The following AGPAT4 variants were observed in gnomAD, a reference collection of about 807,000 sequenced individuals.
The protein encoded by AGPAT4 is 1-acyl-sn-glycerol-3-phosphate acyltransferase delta.
AGPAT4 carries 15 observed loss-of-function variants against 48.0 expected under a neutral mutation model. That is an observed-to-expected ratio of 0.31 (90% CI 0.21 to 0.48). The LOEUF is 0.48. Among genes scored for constraint, AGPAT4 ranks in the 20% least tolerant of loss-of-function variants. AGPAT4 has a pLI of 0.99. For missense variants in AGPAT4, 314 were observed against 482.5 expected, an observed-to-expected ratio of 0.65 and a Z score of 3.27; for synonymous variants, 178 against 198.7, an observed-to-expected ratio of 0.90 and a Z score of 0.88.
At position 161,265,045 on chromosome 6, in the gene AGPAT4, A is replaced by ATTAATG. The variant is rs1481846670; in HGVS notation, c.-90+8892_-90+8893insCATTAA. Among the ~76,000 whole-genome samples the ATTAATG allele has an allele frequency of 3.3e-4, 50 of 152,296 alleles. No homozygotes were observed. In the East Asian group the frequency reaches 8.9e-3, roughly 27 times the overall value. Reference sequence around the variant, plus strand: ...AGCAACTGTGGGGATGGATGCTAGGAGGCAAATTAATACTAGTGAGACCTG... The same window carrying ATTAATG: ...AGCAACTGTGGGGATGGATGCTAGGATTAATGGGCAAATTAATACTAGTGAGACCTG... On this transcript the variant is annotated intron_variant, in intron 1 of 8. Coordinates refer to ENST00000320285, the MANE Select transcript of AGPAT4 (RefSeq NM_020133.3).
chr6:161,234,923 G>A lies in AGPAT4; in HGVS notation c.-89-2621C>T, dbSNP rs115302263. On this transcript the variant is annotated intron_variant, in intron 1 of 8. Transcript: ENST00000320285. This position sits in a 1 kb window ranked among gnomAD's most constrained non-coding sequence, Gnocchi z 4.4. ...AAGGTAAATTGAAATTTTACCGTGC[G>A]TAAAACCCTCACTAGCAATGCATGA... 5.2e-3 allele frequency among the ~76,000 whole-genome samples: 788 copies of A among 151,868 alleles called. 5 individuals are homozygous for A. The highest frequency in any genetic ancestry group is 0.018 in the African/African-American group (734 of 41,406).
chr6:161,151,516 C>T (rs1779592504), intron 5 of AGPAT4, among the ~76,000 whole-genome samples: 1 of 152,220 alleles, frequency 6.6e-6, no homozygotes, highest in African/African-American at 2.4e-5. Flanking sequence ...AGCTGGGCAA[C>T]CCCACCAGGG....
At position 161,240,172 on chromosome 6, in the gene AGPAT4, G is replaced by A. The variant is rs1452629447; in HGVS notation, c.-89-7870C>T. On this transcript the variant is annotated intron_variant, in intron 1 of 8. Transcript: ENST00000320285. The surrounding 1 kb of genome is among the most constrained non-coding windows in gnomAD (Gnocchi z 5.5). ...AATCACAACTCTAAAAAAAAAACCGGAAGAAAAGAAAGCCTTACCAAAACA... is the reference window on the plus strand; with the variant it reads ...AATCACAACTCTAAAAAAAAAACCGAAAGAAAAGAAAGCCTTACCAAAACA... 2.0e-5 allele frequency among the ~76,000 whole-genome samples: 3 copies of A among 148,708 alleles called. No individual in the cohort carries two copies. Among genetic ancestry groups the A allele is most frequent in the African/African-American group, 7.4e-5 (3 of 40,370 alleles).
Position 161,206,114 on chromosome 6 carries a change from G to A in AGPAT4, c.178+25922C>T, listed in dbSNP as rs189445665. ...GAAAAGCCTGCTCCCTCCAGCTAAA[G>A]GATCAGGGAAGTGGCAGCCTAGCAA... is the stretch of plus-strand genomic sequence containing the variant. On this transcript the variant is annotated intron_variant, in intron 2 of 8. Transcript: ENST00000320285. The surrounding 1 kb of genome is among the most constrained non-coding windows in gnomAD (Gnocchi z 4.8). 7.9e-5 allele frequency among the ~76,000 whole-genome samples: 12 copies of A among 152,216 alleles called. No homozygotes were observed. The highest frequency in any genetic ancestry group is 2.9e-4 in the African/African-American group (12 of 41,522).
chr6:161,235,034 G>T lies in AGPAT4; in HGVS notation c.-89-2732C>A, dbSNP rs1782235271. The stretch of plus-strand genomic sequence containing the variant: ...AGAGAAATCAGACAAGGCTTGGTTT[G>T]TTTTGGGTCTTGAGTTTCAGCTCCA... On this transcript the variant is annotated intron_variant, in intron 1 of 8. Transcript: ENST00000320285. This position sits in a 1 kb window ranked among gnomAD's most constrained non-coding sequence, Gnocchi z 6.2. 6.6e-6 allele frequency among the ~76,000 whole-genome samples: 1 copy of T among 151,942 alleles called. No individual in the cohort carries two copies. Among genetic ancestry groups the T allele is most frequent in the South Asian group, 2.1e-4 (1 of 4,822 alleles).
intron 1 of AGPAT4, among the ~76,000 whole-genome samples, chr6:161,239,210 A>G (rs1782408690): frequency 6.6e-6 from 1 of 152,194 alleles, no homozygotes; most frequent in South Asian, 2.1e-4. Flanking sequence ...ATGGTACCAT[A>G]TGCTGCCCAG....
rs73017498 is a variant in AGPAT4, at chr6:161,235,877, G to C, written c.-89-3575C>G. Among the ~76,000 whole-genome samples the C allele has an allele frequency of 0.026, 3,912 of 152,190 alleles. 76 individuals carry two copies. The highest frequency in any genetic ancestry group is 0.089 in the East Asian group (460 of 5,176). On this transcript the variant is annotated intron_variant, in intron 1 of 8. Coordinates refer to ENST00000320285, the MANE Select transcript of AGPAT4 (RefSeq NM_020133.3). The surrounding 1 kb of genome is among the most constrained non-coding windows in gnomAD (Gnocchi z 6.2). ...CCACCAGGTCCCACCTCCAGTGCTG[G>C]GGATTACAAATTCAACGTGAGACTT... is the stretch of plus-strand genomic sequence containing the variant.
chr6:161,186,069 C>A (rs1015215724), intron 2 of AGPAT4, among the ~76,000 whole-genome samples: 4 of 152,132 alleles, frequency 2.6e-5, no homozygotes, highest in African/African-American at 7.2e-5. Context: ...ACCCCATTAA[C>A]AAGGAAAGTC....
intron 2 of AGPAT4, among the ~76,000 whole-genome samples, chr6:161,183,539 G>GA (rs1293900111): frequency 6.7e-6 from 1 of 150,062 alleles, no homozygotes; most frequent in Non-Finnish European, 1.5e-5. Context: ...AGAATCGCTT[G>GA]AACCCAGGAG....
chr6:161,217,743 C>T lies in AGPAT4; in HGVS notation c.178+14293G>A, dbSNP rs1562342542. On this transcript the variant is annotated intron_variant, in intron 2 of 8. Coordinates refer to ENST00000320285, the MANE Select transcript of AGPAT4 (RefSeq NM_020133.3). The surrounding 1 kb of genome is among the most constrained non-coding windows in gnomAD (Gnocchi z 4.9). ...ATGGCATATTCAGAAATCCTCAAAG[C>T]CCTGGAATTGGATCAGGGAGTCCAG... 6.6e-6 allele frequency among the ~76,000 whole-genome samples: 1 copy of T among 152,182 alleles called. No individual in the cohort carries two copies. The highest frequency in any genetic ancestry group is 1.5e-5 in the Non-Finnish European group (1 of 68,036).
Position 161,149,382 on chromosome 6 carries a change from GCTAA to G in AGPAT4, c.665-97_665-94del. On this transcript the variant is annotated intron_variant, in intron 5 of 8. Coordinates refer to ENST00000320285, the MANE Select transcript of AGPAT4 (RefSeq NM_020133.3). This position sits in a 1 kb window ranked among gnomAD's most constrained non-coding sequence, Gnocchi z 6.5. Reference sequence around the variant, plus strand: ...CACATTGGAAGACAATAATCAAATGGCTAACTGCTTATCTAGAAATGGTGTGGTC... The same window carrying G: ...CACATTGGAAGACAATAATCAAATGGCTGCTTATCTAGAAATGGTGTGGTC... The G allele has an allele frequency of 4.7e-6, 5 of 1,066,614 alleles. No homozygotes were observed. Among genetic ancestry groups the G allele is most frequent in the Non-Finnish European group, 6.5e-6 (5 of 764,914 alleles). The allele number at this position is 1,066,614 out of a possible 1,614,324, so 66.1% of individuals were successfully genotyped here. A position where few individuals can be genotyped will look rare whatever the true frequency, so the allele number is the denominator to read the frequency against.
At chr6:161,260,223 C>A (rs34165764) in intron 1 of AGPAT4, among the ~76,000 whole-genome samples, 1 of 152,050 alleles carries the variant, frequency 6.6e-6, no homozygotes, top group South Asian at 2.1e-4. Flanking sequence ...CTGCAGACAG[C>A]GTTTATGAAA....
chr6:161,247,576 T>C (rs944122606), intron 1 of AGPAT4, among the ~76,000 whole-genome samples: 1 of 152,190 alleles, frequency 6.6e-6, no homozygotes, highest in Non-Finnish European at 1.5e-5. Flanking sequence ...GAGCCATCTA[T>C]GACAAACCCA....
intron 2 of AGPAT4, among the ~76,000 whole-genome samples, chr6:161,186,690 A>G (rs969816436): frequency 3.9e-5 from 6 of 152,096 alleles, no homozygotes; most frequent in Non-Finnish European, 8.8e-5. Context: ...CTCCCCAGCA[A>G]GCCCCAACTC....
chr6:161,153,271 G>C (rs899151055), intron 5 of AGPAT4, 75 bp downstream of exon 5: 69 of 1,521,376 alleles, frequency 4.5e-5, no homozygotes, highest in Non-Finnish European at 5.6e-5. Context: ...CAGGAAGCAA[G>C]CTCTGCCCAT....
Position 161,262,705 on chromosome 6 carries a change from G to A in AGPAT4, c.-90+11233C>T, listed in dbSNP as rs563414455. Among the ~76,000 whole-genome samples, 10 of 152,268 alleles carry A rather than the reference G, an allele frequency of 6.6e-5. No homozygotes were observed. The highest frequency in any genetic ancestry group is 3.9e-4 in the East Asian group (2 of 5,172). On this transcript the variant is annotated intron_variant, in intron 1 of 8. Coordinates refer to ENST00000320285, the MANE Select transcript of AGPAT4 (RefSeq NM_020133.3). The surrounding 1 kb of genome is among the most constrained non-coding windows in gnomAD (Gnocchi z 4.9). ...CCGATTATTCTTCAGTCCCACGGGG[G>A]AGTGAGACCCTCATAGTGAGGGGCA... is the stretch of plus-strand genomic sequence containing the variant.
Position 161,244,071 on chromosome 6 carries a change from T to C in AGPAT4, c.-89-11769A>G, listed in dbSNP as rs1782578130. On this transcript the variant is annotated intron_variant, in intron 1 of 8. Transcript: ENST00000320285. This position sits in a 1 kb window ranked among gnomAD's most constrained non-coding sequence, Gnocchi z 4.7. ...CTCGATGTAGGCCTTGTTTCCACCT[T>C]GTGGAAGGGAAATAAAAACTGGTAT... is the stretch of plus-strand genomic sequence containing the variant. Among the ~76,000 whole-genome samples, 1 of 152,224 alleles carries C rather than the reference T, an allele frequency of 6.6e-6. No individual in the cohort carries two copies. The highest frequency in any genetic ancestry group is 2.1e-4 in the South Asian group (1 of 4,824).
chr6:161,207,806 T>C (rs887225679), intron 2 of AGPAT4, among the ~76,000 whole-genome samples: 3 of 152,008 alleles, frequency 2.0e-5, no homozygotes, highest in Non-Finnish European at 4.4e-5. Context: ...GACCCAGTGT[T>C]AGGGAAAGAG....
intron 2 of AGPAT4, among the ~76,000 whole-genome samples, chr6:161,227,253 C>T (rs62435552): frequency 0.01 from 1,556 of 152,338 alleles, 14 homozygotes; most frequent in Non-Finnish European, 0.014. Context: ...GTGCCAAAGA[C>T]TGCTCTGTCC....
Sources: gnomAD v4.1 joint callset for allele counts (sites outside exome capture counted in the v4.1 genomes callset) on GRCh38, gnomAD v4.1.1 for gene constraint, Gnocchi (gnomAD v3.1) non-coding constraint, MANE v1.5 for transcripts, NCBI Gene and HGNC (gene_info 2026-07-23, HGNC 2026-07-21) for gene names.